PMEL: variants seen among roughly 807,000 people sequenced by gnomAD.
PMEL encodes the protein premelanosome protein.
PMEL carries 53 observed loss-of-function variants against 64.9 expected under a neutral mutation model. The observed-to-expected ratio is 0.82, with a 90% CI of 0.66 to 1.03. The LOEUF (loss-of-function observed/expected upper bound fraction) is 1.03, where lower values mean the gene tolerates loss of function less well. PMEL is among the 50% of genes least tolerant of loss of function. PMEL has a pLI of 0.00. For missense variants in PMEL, 716 were observed against 814.9 expected (o/e 0.88, Z 1.48); for synonymous variants, 299 against 316.2 (o/e 0.95, Z 0.58).
upstream of PMEL, chr12:55,966,141 G>C: frequency 7.0e-7 from 1 of 1,421,480 alleles, no homozygotes; most frequent in Non-Finnish European, 9.5e-7. Context: ...CCGGAGGAGA[G>C]GAAAAAGGAA....
Position 55,956,977 on chromosome 12 carries a change from G to C in PMEL, c.1326C>G (p.Ser442Arg), listed in dbSNP as rs184207622. 1.4e-5 allele frequency: 22 copies of C among 1,614,178 alleles called. No individual in the cohort carries two copies. The Admixed American group carries it at 3.3e-4, about 24-fold the overall frequency. ...TAATACTTTCCGTAGACATGATTGA[G>C]CTGGCATCTGGACCTTCAGGCTCAG... Reference protein sequence around the residue: ...PIPEPEGPDASSIMSTESITG... With the variant: ...PIPEPEGPDARSIMSTESITG... The change falls in exon 6 of 11, where the codon AGC becomes AGG. Residue 442 changes from serine to arginine, a missense_variant. Physicochemically the swap from Ser to Arg is moderately radical, Grantham distance 110. Coordinates refer to ENST00000548747, the MANE Select transcript of PMEL (RefSeq NM_001384361.1).
At chr12:55,959,575 C>T (rs373821491) in intron 3 of PMEL, among the ~76,000 whole-genome samples, 17 of 151,886 alleles carry the variant, frequency 1.1e-4, no homozygotes, top group Non-Finnish European at 1.8e-4. Flanking sequence ...GAGTCTGAAG[C>T]GGTTAAATCA....
chr12:55,963,016 G>T (rs1362451914), intron 1 of PMEL, among the ~76,000 whole-genome samples: 1 of 151,954 alleles, frequency 6.6e-6, no homozygotes, highest in Non-Finnish European at 1.5e-5. Context: ...AATTAGCCGG[G>T]CGTGGTAGTG....
In PMEL at chr12:55,955,660, C is replaced by T. The variant is rs1285063882; in HGVS notation, c.1566G>A (p.Lys522=). Residue 522 remains lysine, a synonymous_variant, in exon 9 of 11, where the codon AAG becomes AAA. Transcript: ENST00000548747. Reference sequence around the variant, plus strand: ...GCGATGAGATCTCCATGCAGGCTTCCTTGGGCAGCCTGGAAGAAGTGTCAG... The same window carrying T: ...GCGATGAGATCTCCATGCAGGCTTCTTTGGGCAGCCTGGAAGAAGTGTCAG... ...LTVSCQGGLP[K]EACMEISSPG... 6.2e-7 allele frequency: 1 copy of T among 1,612,428 alleles called. No individual in the cohort carries two copies. Among genetic ancestry groups the T allele is most frequent in the East Asian group, 2.2e-5 (1 of 44,854 alleles).
Position 55,957,553 on chromosome 12 carries a change from A to G in PMEL, c.750T>C (p.Tyr250=), listed in dbSNP as rs772681920. 9 of 1,613,906 alleles carry G rather than the reference A, an allele frequency of 5.6e-6. No individual in the cohort carries two copies. Among genetic ancestry groups the G allele is most frequent in the Non-Finnish European group, 7.6e-6 (9 of 1,179,980 alleles). ...TGTAGGAGAGGTCAGCTTCAGCCAGATAGCCACTGGGGTCATGGAGCTGGA... is the reference window on the plus strand; with the variant it reads ...TGTAGGAGAGGTCAGCTTCAGCCAGGTAGCCACTGGGGTCATGGAGCTGGA... ...FALQLHDPSG[Y]LAEADLSYTW... is the part of the protein sequence containing the mutation. Residue 250 remains tyrosine (Y), a synonymous_variant, in exon 6 of 11, where the codon TAT becomes TAC. Transcript: ENST00000548747.
At chr12:55,962,301 G>A (rs572843507) in intron 1 of PMEL, among the ~76,000 whole-genome samples, 5 of 150,810 alleles carry the variant, frequency 3.3e-5, no homozygotes, top group South Asian at 4.2e-4. Flanking sequence ...AAATTAGCCG[G>A]GCATGGTGGT....
At position 55,954,279 on chromosome 12, in the gene PMEL, G is replaced by T. The variant is rs1474246385; in HGVS notation, c.1921C>A (p.Pro641Thr). 3 of 1,613,878 alleles carry T rather than the reference G, an allele frequency of 1.9e-6. No individual in the cohort carries two copies. The highest frequency in any genetic ancestry group is 2.5e-6 in the Non-Finnish European group (3 of 1,179,732). ...ATGGGACAAGAGCAGAAGATGCGGGGTAGACGCAGCCAGTGACTGCTGCTA... is the reference window on the plus strand; with the variant it reads ...ATGGGACAAGAGCAGAAGATGCGGGTTAGACGCAGCCAGTGACTGCTGCTA... The part of the protein sequence containing the change: ...PHSSSHWLRL[P>T]RIFCSCPIGE... Residue 641 changes from proline (P) to threonine (T), a missense_variant, in exon 11 of 11, where the codon CCC becomes ACC. By Grantham distance (38) the Pro-to-Thr change is conservative. Transcript: ENST00000548747.
At position 55,961,315 on chromosome 12, in the gene PMEL, AC is replaced by A; in HGVS notation, c.334+1del. Reference sequence around the variant, plus strand: ...AAGGACCTAGAATAGAGAAGTACTCACCATTGATGATGGTATTGTTGACCCA... The same window carrying A: ...AAGGACCTAGAATAGAGAAGTACTCACATTGATGATGGTATTGTTGACCCA... On this transcript the variant is annotated splice_donor_variant, in intron 3 of 10. Coordinates refer to ENST00000548747, the MANE Select transcript of PMEL (RefSeq NM_001384361.1). LOFTEE classifies it high-confidence loss of function. 1 of 1,613,922 alleles carries A rather than the reference AC, an allele frequency of 6.2e-7. No homozygotes were observed. Among genetic ancestry groups the A allele is most frequent in the South Asian group, 1.1e-5 (1 of 91,062 alleles).
At chr12:55,960,221 A>G (rs1467220002) in intron 3 of PMEL, among the ~76,000 whole-genome samples, 6 of 149,264 alleles carry the variant, frequency 4.0e-5, no homozygotes, top group Non-Finnish European at 7.4e-5. Flanking sequence ...AAAAAAAAAA[A>G]AAAAGAAAAG....
In PMEL at chr12:55,954,178, C is replaced by T; in HGVS notation, c.*36G>A. ...CTGGGGGAAATATAGGTGTTTCTGT[C>T]AACTCCAGGAAAATCACAGCATCAT... On this transcript the variant is annotated 3_prime_UTR_variant, in exon 11 of 11. Transcript: ENST00000548747. 6.4e-7 allele frequency: 1 copy of T among 1,569,736 alleles called. No individual in the cohort carries two copies. The highest frequency in any genetic ancestry group is 8.6e-7 in the Non-Finnish European group (1 of 1,158,574).
intron 1 of PMEL, 63 bp from the exon 2 acceptor site, chr12:55,961,795 C>A: frequency 9.6e-6 from 9 of 937,298 alleles, no homozygotes; most frequent in Non-Finnish European, 1.6e-5. Context: ...GGATAACACT[C>A]TATTCATGTC....
In PMEL at chr12:55,955,483, G is replaced by A. The variant is rs753907122; in HGVS notation, c.1743C>T (p.Ser581=). Residue 581 remains serine, a synonymous_variant, in exon 9 of 11, where the codon AGC becomes AGT. Coordinates refer to ENST00000548747, the MANE Select transcript of PMEL (RefSeq NM_001384361.1). ...ACCTACCAGGCATGATAAGCTGGGT[G>A]CTGACCACTGCCAGGCTGTTGGTAT... The part of the protein sequence containing the change: ...LADTNSLAVV[S]TQLIMPGQEA... 11 of 1,614,098 alleles carry A rather than the reference G, an allele frequency of 6.8e-6. No homozygotes were observed. In the Admixed American group the frequency reaches 1.5e-4, roughly 22 times the overall value.
intron 1 of PMEL, among the ~76,000 whole-genome samples, chr12:55,963,841 C>T (rs1037715358): frequency 2.0e-5 from 3 of 152,106 alleles, no homozygotes; most frequent in African/African-American, 7.2e-5. Flanking sequence ...TACCCTCACC[C>T]CATTTTTCCC....
chr12:55,958,768 G>A (rs1592769638), intron 3 of PMEL, 161 bp from the exon 4 acceptor site: 2 of 712,240 alleles, frequency 2.8e-6, no homozygotes, highest in Non-Finnish European at 4.5e-6. Flanking sequence ...GTAGTTGGGG[G>A]TTGAGGGTGT....
rs778024379 is a variant in PMEL, at chr12:55,957,043, AGTT to A, written c.1257_1259del (p.Thr421del). 4.6e-5 allele frequency: 74 copies of A among 1,614,178 alleles called. No individual in the cohort carries two copies. Among genetic ancestry groups the A allele is most frequent in the South Asian group, 4.0e-4 (36 of 91,080 alleles). Reference sequence around the variant, plus strand: ...TAGCTGTGGTCTCCACCCACTCTGTAGTTGTTACCTGTGCAGCTGTGGTTCCAG... The same window carrying A: ...TAGCTGTGGTCTCCACCCACTCTGTAGTTACCTGTGCAGCTGTGGTTCCAG... On this transcript the variant is annotated inframe_deletion, in exon 6 of 11. Transcript: ENST00000548747.
chr12:55,960,091 C>T (rs911861900), intron 3 of PMEL, among the ~76,000 whole-genome samples: 1 of 150,610 alleles, frequency 6.6e-6, no homozygotes, highest in Non-Finnish European at 1.5e-5. Context: ...CGGGAGGCTA[C>T]TCCCAGCTAC....
At chr12:55,958,202 G>T in intron 4 of PMEL, 118 bp from the exon 5 acceptor site, 1 of 1,097,624 alleles carries the variant, frequency 9.1e-7, no homozygotes, top group Non-Finnish European at 1.3e-6. Context: ...ACTTCTGAGG[G>T]TGTTTGGAAG....
In PMEL at chr12:55,956,186, G is replaced by T; in HGVS notation, c.1388C>A (p.Thr463Asn). The change falls in exon 7 of 11, where the codon ACC becomes AAC. Residue 463 changes from threonine to asparagine, a missense_variant. Thr to Asn is a moderately conservative substitution (Grantham distance 65). Coordinates refer to ENST00000548747, the MANE Select transcript of PMEL (RefSeq NM_001384361.1). ...GACTTGTCTCTTCACCAGCCTTAAG[G>T]TGGCTGTACCATCCAGCAGGGGGCC... is the stretch of plus-strand genomic sequence containing the variant. ...SLGPLLDGTA[T>N]LRLVKRQVPL... The T allele has an allele frequency of 6.2e-7, 1 of 1,614,038 alleles. No homozygotes were observed. Among genetic ancestry groups the T allele is most frequent in the Non-Finnish European group, 8.5e-7 (1 of 1,179,900 alleles).
intron 1 of PMEL, among the ~76,000 whole-genome samples, chr12:55,964,656 C>T (rs1056776804): frequency 3.3e-5 from 5 of 151,780 alleles, no homozygotes; most frequent in Non-Finnish European, 7.4e-5. Context: ...GAGACAGAGT[C>T]TTGCTGTTGC....
Sources: gnomAD v4.1 joint callset for allele counts (sites outside exome capture counted in the v4.1 genomes callset) on GRCh38, gnomAD v4.1.1 for gene constraint, MANE v1.5 for transcripts, NCBI Gene and HGNC (gene_info 2026-07-23, HGNC 2026-07-21) for gene names.